LRRC37A2: variants seen among roughly 807,000 people sequenced by gnomAD.
LRRC37A2 encodes the protein leucine-rich repeat-containing protein 37A2.
LRRC37A2 carries 9 observed loss-of-function variants against 68.8 expected under a neutral mutation model. The ratio of observed to expected loss-of-function variants is 0.13; its 90% CI spans 0.08 to 0.23. The LOEUF (loss-of-function observed/expected upper bound fraction) is 0.23. LRRC37A2 is among the 10% of genes least tolerant of loss of function. The pLI, the probability that LRRC37A2 is intolerant of heterozygous loss-of-function variation, is 1.00. For synonymous variants in LRRC37A2, 63 were observed against 367.6 expected (o/e 0.17, Z 9.48); for missense variants, 168 against 950.4 (o/e 0.18, Z 10.82).
chr17:46,461,374 C>G, the LRRC37A2 span, among the ~76,000 whole-genome samples: 1 of 108,316 alleles, frequency 9.2e-6, no homozygotes, highest in African/African-American at 3.3e-5. Flanking sequence ...GAGAGCTTAC[C>G]TAAAGTATAG....
At chr17:46,705,371 TA>T in the LRRC37A2 span, among the ~76,000 whole-genome samples, 7 of 151,802 alleles carry the variant, frequency 4.6e-5, no homozygotes, top group Non-Finnish European at 8.8e-5. Flanking sequence ...TTCTAAGACT[TA>T]AAAAGTGTCA....
chr17:46,783,625 C>CCCT, the LRRC37A2 span, among the ~76,000 whole-genome samples: 1 of 152,286 alleles, frequency 6.6e-6, no homozygotes, highest in Non-Finnish European at 1.5e-5. Context: ...AACCTCTGGG[C>CCCT]CAGAGGGTGC....
the LRRC37A2 span, among the ~76,000 whole-genome samples, chr17:47,000,991 C>T: frequency 5.3e-5 from 8 of 152,200 alleles, no homozygotes; most frequent in East Asian, 1.2e-3. Context: ...CAAAAATTAG[C>T]CGGGCGGGGT....
chr17:46,897,390 C>T, the LRRC37A2 span, among the ~76,000 whole-genome samples: 10 of 152,172 alleles, frequency 6.6e-5, no homozygotes, highest in Non-Finnish European at 1.0e-4. Context: ...GCCAAGGTCA[C>T]CTTCCCCTGG....
chr17:46,785,329 C>T, the LRRC37A2 span, among the ~76,000 whole-genome samples: 1 of 152,216 alleles, frequency 6.6e-6, no homozygotes, highest in Non-Finnish European at 1.5e-5. Flanking sequence ...CATTGTGTCA[C>T]TAATGTCACC....
chr17:46,755,763 C>A, the LRRC37A2 span: 1 of 1,579,606 alleles, frequency 6.3e-7, no homozygotes, highest in South Asian at 1.2e-5. Flanking sequence ...TTTTACGGAC[C>A]CTCATCTGTT....
chr17:46,430,652 GA>G, the LRRC37A2 span, among the ~76,000 whole-genome samples: 1 of 32,962 alleles, frequency 3.0e-5, no homozygotes, highest in African/African-American at 7.8e-5. Context: ...AATTTATAAA[GA>G]TTTTTTTTTA....
At chr17:47,026,680 T>C in the LRRC37A2 span, among the ~76,000 whole-genome samples, 1 of 152,116 alleles carries the variant, frequency 6.6e-6, no homozygotes, top group Non-Finnish European at 1.5e-5. Context: ...TATAACTGAA[T>C]AAATTTCTTT....
At chr17:46,783,485 C>G in the LRRC37A2 span, among the ~76,000 whole-genome samples, 4 of 152,210 alleles carry the variant, frequency 2.6e-5, no homozygotes, top group African/African-American at 9.7e-5. Flanking sequence ...CTGAGGAGCA[C>G]CCAGCCCAGG....
At chr17:46,986,396 G>T in the LRRC37A2 span, among the ~76,000 whole-genome samples, 3 of 152,136 alleles carry the variant, frequency 2.0e-5, 1 homozygote, top group South Asian at 6.2e-4. Flanking sequence ...CTCAATAAAT[G>T]CTAGTAACTA....
At chr17:46,840,000 C>CT in the LRRC37A2 span, among the ~76,000 whole-genome samples, 124 of 125,000 alleles carry the variant, frequency 9.9e-4, no homozygotes, top group African/African-American at 3.7e-3. Context: ...TTTTTTCTTT[C>CT]TTCTTTCTTT....
At chr17:46,474,533 ATTCTAT>A in the LRRC37A2 span, among the ~76,000 whole-genome samples, 1 of 53,872 alleles carries the variant, frequency 1.9e-5, no homozygotes, top group Non-Finnish European at 4.3e-5. Flanking sequence ...TTTAATGGTG[ATTCTAT>A]TTCTAGTAAA....
chr17:46,746,782 A>G, the LRRC37A2 span, among the ~76,000 whole-genome samples: 1 of 152,200 alleles, frequency 6.6e-6, no homozygotes, highest in African/African-American at 2.4e-5. Context: ...TTGAACACAA[A>G]TGACTTATAT....
the LRRC37A2 span, among the ~76,000 whole-genome samples, chr17:46,790,668 G>A: frequency 2.6e-5 from 4 of 152,216 alleles, no homozygotes; most frequent in Admixed American, 6.5e-5. Flanking sequence ...CTCTCCCGAA[G>A]TAGCCCTCCC....
chr17:46,711,217 C>T, the LRRC37A2 span: 29 of 1,119,394 alleles, frequency 2.6e-5, no homozygotes, highest in African/African-American at 4.8e-4. Context: ...AATTCTTTTT[C>T]GTTTTTAACC....
At chr17:46,684,352 TTATC>T in the LRRC37A2 span, among the ~76,000 whole-genome samples, 2 of 147,430 alleles carry the variant, frequency 1.4e-5, no homozygotes, top group Admixed American at 1.4e-4. Flanking sequence ...CACGTTTTCT[TTATC>T]TAGTCTATCG....
At chr17:46,703,721 A>G in the LRRC37A2 span, among the ~76,000 whole-genome samples, 17 of 150,098 alleles carry the variant, frequency 1.1e-4, no homozygotes, top group Middle Eastern at 3.5e-3. Context: ...ACAGAAAACC[A>G]TAAAATTTAC....
At chr17:46,935,878 G>A in the LRRC37A2 span, 1 of 985,884 alleles carries the variant, frequency 1.0e-6, no homozygotes, top group African/African-American at 1.7e-5. Context: ...GGATAATAGG[G>A]CGTGGGTTCT....
chr17:47,000,063 TTAAAA>T, the LRRC37A2 span, among the ~76,000 whole-genome samples: 27 of 17,718 alleles, frequency 1.5e-3, 4 homozygotes, highest in Admixed American at 3.7e-3. Context: ...TAAAATAAAA[TTAAAA>T]TAAAATAAAA....
Sources: gnomAD v4.1 joint callset for allele counts (sites outside exome capture counted in the v4.1 genomes callset) on GRCh38, gnomAD v4.1.1 for gene constraint, MANE v1.5 for transcripts, NCBI Gene and HGNC (gene_info 2026-07-23, HGNC 2026-07-21) for gene names.